CAMK2D: variants seen among roughly 807,000 people sequenced by gnomAD.
CAMK2D encodes the protein calcium/calmodulin dependent protein kinase II delta.
In CAMK2D, 37 loss-of-function variants were observed where a neutral mutation model predicts 84.0. The observed-to-expected ratio is 0.44, with a 90% CI of 0.34 to 0.58. The LOEUF (loss-of-function observed/expected upper bound fraction) is 0.58. CAMK2D is among the 20% of genes least tolerant of loss of function. The pLI, the probability that CAMK2D is intolerant of heterozygous loss-of-function variation, is 0.02. For synonymous variants in CAMK2D, 202 were observed against 212.5 expected (o/e 0.95, Z 0.43); for missense variants, 448 against 652.5 (o/e 0.69, Z 3.41).
chr4:113,700,000 A>C (rs1448566746), intron 2 of CAMK2D, among the ~76,000 whole-genome samples: 1 of 152,166 alleles, frequency 6.6e-6, no homozygotes, highest in Non-Finnish European at 1.5e-5. Flanking sequence ...GCTTGTCTAT[A>C]ATATCTCCAT....
chr4:113,565,877 T>A (rs560885840), intron 4 of CAMK2D, among the ~76,000 whole-genome samples: 45 of 152,108 alleles, frequency 3.0e-4, no homozygotes, highest in Non-Finnish European at 5.7e-4. Flanking sequence ...TCCTACAGAA[T>A]AGAAAAAAAA....
chr4:113,581,301 G>A (rs1199922745), intron 4 of CAMK2D, among the ~76,000 whole-genome samples: 1 of 151,940 alleles, frequency 6.6e-6, no homozygotes, highest in Non-Finnish European at 1.5e-5. Flanking sequence ...ATCACCTGAG[G>A]TCAGGAGTTC....
chr4:113,551,363 A>T (rs2098628141), intron 5 of CAMK2D, among the ~76,000 whole-genome samples: 1 of 152,204 alleles, frequency 6.6e-6, no homozygotes, highest in South Asian at 2.1e-4. Flanking sequence ...AACTCTCTTA[A>T]ATGCCTGAAT....
intron 8 of CAMK2D, among the ~76,000 whole-genome samples, chr4:113,528,198 T>C (rs1480641696): frequency 6.6e-6 from 1 of 152,222 alleles, no homozygotes. Context: ...ATATCAGTTA[T>C]CTAGAAACTT....
At position 113,547,180 on chromosome 4, in the gene CAMK2D, G is replaced by A. The variant is rs532073245; in HGVS notation, c.414+464C>T. Among the ~76,000 whole-genome samples the A allele has an allele frequency of 2.0e-5, 3 of 152,204 alleles. No individual in the cohort carries two copies. In the East Asian group the frequency reaches 5.8e-4, roughly 29 times the overall value. The stretch of plus-strand genomic sequence containing the variant: ...GAAAGAGAATGTCAGAATTCAAAAT[G>A]AGGTTCTTTAGCACATAATCGTTTA... On this transcript the variant is annotated intron_variant, in intron 6 of 20. Transcript: ENST00000511664.
chr4:113,483,781 C>T (rs577612435), intron 16 of CAMK2D, among the ~76,000 whole-genome samples: 1 of 152,070 alleles, frequency 6.6e-6, no homozygotes, highest in East Asian at 1.9e-4. Context: ...GAGAGAGACC[C>T]TGTCTCTAAA....
At chr4:113,529,913 T>C (rs1157533298) in intron 8 of CAMK2D, among the ~76,000 whole-genome samples, 2 of 152,222 alleles carry the variant, frequency 1.3e-5, no homozygotes, top group Admixed American at 6.5e-5. Context: ...CACATCCCTG[T>C]TATCAAAGTG....
At chr4:113,524,961 A>G (rs2098405320) in intron 8 of CAMK2D, among the ~76,000 whole-genome samples, 1 of 152,212 alleles carries the variant, frequency 6.6e-6, no homozygotes, top group Non-Finnish European at 1.5e-5. Flanking sequence ...CTGGAGGCCT[A>G]TCTGTGATTG....
At chr4:113,684,937 ACAGGCCTG>A (rs896607094) in intron 2 of CAMK2D, among the ~76,000 whole-genome samples, 2 of 152,202 alleles carry the variant, frequency 1.3e-5, no homozygotes, top group African/African-American at 4.8e-5. Context: ...GCTTGAGAGC[ACAGGCCTG>A]CTGCTCCTCA....
intron 12 of CAMK2D, among the ~76,000 whole-genome samples, chr4:113,512,852 T>C (rs1489840706): frequency 6.6e-6 from 1 of 152,238 alleles, no homozygotes; most frequent in Non-Finnish European, 1.5e-5. Flanking sequence ...ATTACAGGCG[T>C]GAGCCACCAC....
In CAMK2D at chr4:113,454,060, A is replaced by T. The variant is rs548697964; in HGVS notation, c.*485T>A. 2 of 149,338 alleles carry T rather than the reference A, an allele frequency of 1.3e-5. No homozygotes were observed. Among genetic ancestry groups the T allele is most frequent in the African/African-American group, 5.0e-5 (2 of 40,122 alleles). 9.3% of individuals were successfully genotyped at this position (149,338 alleles called of 1,614,324 possible). A position where few individuals can be genotyped will look rare whatever the true frequency, so the allele number is the denominator to read the frequency against. ...ATTTTAACCAGGATCACACCAGGAA[A>T]CTGAAGGTGTATTTTTTTTTTACCT... is the stretch of plus-strand genomic sequence containing the variant. On this transcript the variant is annotated 3_prime_UTR_variant, in exon 21 of 21. Coordinates refer to ENST00000511664, the MANE Select transcript of CAMK2D (RefSeq NM_001321571.2).
intron 2 of CAMK2D, among the ~76,000 whole-genome samples, chr4:113,666,938 C>G (rs933073599): frequency 6.6e-6 from 1 of 152,156 alleles, no homozygotes; most frequent in African/African-American, 2.4e-5. Context: ...ATCAATGCCT[C>G]AGATCTGTTT....
At position 113,512,822 on chromosome 4, in the gene CAMK2D, C is replaced by T. The variant is rs192825510; in HGVS notation, c.946+506G>A. 2.0e-3 allele frequency among the ~76,000 whole-genome samples: 299 copies of T among 152,306 alleles called. 2 individuals are homozygous for T. The highest frequency in any genetic ancestry group is 6.1e-3 in the African/African-American group (255 of 41,564). ...TCTTGACCTTGTGATCCACCTGCCT[C>T]GGCCTCCCAAAGTGCTGGGATTACA... On this transcript the variant is annotated intron_variant, in intron 12 of 20. Coordinates refer to ENST00000511664, the MANE Select transcript of CAMK2D (RefSeq NM_001321571.2).
intron 3 of CAMK2D, among the ~76,000 whole-genome samples, chr4:113,628,016 A>G (rs1237935426): frequency 6.6e-6 from 1 of 152,190 alleles, no homozygotes; most frequent in Non-Finnish European, 1.5e-5. Flanking sequence ...TAGCCCTTTA[A>G]TTATATTTAT....
rs41278057 is a variant in CAMK2D, at chr4:113,549,076, T to A, written c.342-1360A>T. Among the ~76,000 whole-genome samples the A allele has an allele frequency of 4.0e-3, 608 of 152,256 alleles. 3 individuals carry two copies. The highest frequency in any genetic ancestry group is 0.013 in the South Asian group (64 of 4,830). On this transcript the variant is annotated intron_variant, in intron 5 of 20. Coordinates refer to ENST00000511664, the MANE Select transcript of CAMK2D (RefSeq NM_001321571.2). ...GAATTCCCATAATGTTCTGGGAAAA[T>A]TCTTCAGAGATATAAAATTTCCAGG... is the stretch of plus-strand genomic sequence containing the variant.
At chr4:113,689,678 T>A (rs1473991373) in intron 2 of CAMK2D, among the ~76,000 whole-genome samples, 2 of 152,210 alleles carry the variant, frequency 1.3e-5, no homozygotes, top group African/African-American at 4.8e-5. Context: ...TACCAATTCA[T>A]CTTCCCTTAC....
chr4:113,541,254 A>G (rs2098528251), intron 6 of CAMK2D, among the ~76,000 whole-genome samples: 1 of 152,190 alleles, frequency 6.6e-6, no homozygotes, highest in Non-Finnish European at 1.5e-5. Flanking sequence ...TGAGACCTGA[A>G]GCTAGATTTT....
At chr4:113,711,493 T>C (rs2099492497) in intron 2 of CAMK2D, among the ~76,000 whole-genome samples, 1 of 152,168 alleles carries the variant, frequency 6.6e-6, no homozygotes, top group African/African-American at 2.4e-5. Flanking sequence ...TGTGCCTATT[T>C]GAGCTAAAAG....
intron 4 of CAMK2D, among the ~76,000 whole-genome samples, chr4:113,559,138 CCA>C (rs1355319800): frequency 6.6e-6 from 1 of 150,894 alleles, no homozygotes; most frequent in Non-Finnish European, 1.5e-5. Flanking sequence ...TTTGCAAGCA[CCA>C]CAGACATTCT....
Sources: allele counts gnomAD v4.1 joint callset (sites outside exome capture counted in the v4.1 genomes callset), GRCh38; gene constraint gnomAD v4.1.1; transcripts MANE v1.5; gene names NCBI Gene and HGNC (gene_info 2026-07-23, HGNC 2026-07-21).